Variants in DCLK1 observed in about 807,000 individuals in gnomAD.
The protein encoded by DCLK1 is serine/threonine-protein kinase DCLK1.
DCLK1 carries 16 observed loss-of-function variants against 86.2 expected under a neutral mutation model. The ratio of observed to expected loss-of-function variants is 0.19; its 90% CI spans 0.13 to 0.28. The LOEUF (loss-of-function observed/expected upper bound fraction) is 0.28, where lower values mean the gene tolerates loss of function less well. Among genes scored for constraint, DCLK1 ranks in the 10% least tolerant of loss-of-function variants. The pLI is 1.00. For missense variants in DCLK1, 590 were observed against 940.2 expected (o/e 0.63, Z 4.87); for synonymous variants, 369 against 370.5 (o/e 1.00, Z 0.05).
chr13:35,785,624 G>A (rs931373382), intron 16 of DCLK1, among the ~76,000 whole-genome samples: 1 of 152,128 alleles, frequency 6.6e-6, no homozygotes, highest in African/African-American at 2.4e-5. Flanking sequence ...GACCAATTCT[G>A]GGCACCCTGA....
intron 3 of DCLK1, among the ~76,000 whole-genome samples, chr13:35,999,170 A>G (rs1356607330): frequency 6.6e-6 from 1 of 152,012 alleles, no homozygotes; most frequent in Non-Finnish European, 1.5e-5. Flanking sequence ...CTGGAGAATC[A>G]CTTGAACCCA....
intron 16 of DCLK1, among the ~76,000 whole-genome samples, chr13:35,781,178 T>C (rs1283515304): frequency 6.6e-6 from 1 of 152,232 alleles, no homozygotes; most frequent in Admixed American, 6.5e-5. Flanking sequence ...GTTTTGCCGG[T>C]CTGAGTCACC....
intron 3 of DCLK1, among the ~76,000 whole-genome samples, chr13:35,999,007 C>T (rs533580825): frequency 1.2e-3 from 190 of 152,288 alleles, no homozygotes; most frequent in Middle Eastern, 3.4e-3. Context: ...GTAATCCCAG[C>T]ACTTTGGGAG....
chr13:36,001,873 A>G (rs1354292502), intron 3 of DCLK1, among the ~76,000 whole-genome samples: 2 of 152,178 alleles, frequency 1.3e-5, no homozygotes, highest in South Asian at 2.1e-4. Flanking sequence ...CATTGTACAG[A>G]TCAAGCTAAT....
At chr13:35,834,672 A>T (rs1869221728) in intron 8 of DCLK1, among the ~76,000 whole-genome samples, 1 of 152,194 alleles carries the variant, frequency 6.6e-6, no homozygotes, top group Non-Finnish European at 1.5e-5. Flanking sequence ...GTTTGGCACA[A>T]ATGTGCCAAA....
At chr13:36,035,624 G>A (rs1348930971) in intron 3 of DCLK1, among the ~76,000 whole-genome samples, 1 of 152,040 alleles carries the variant, frequency 6.6e-6, no homozygotes, top group Non-Finnish European at 1.5e-5. Flanking sequence ...CTGCAGCGTC[G>A]AACTCCTGGG....
intron 16 of DCLK1, among the ~76,000 whole-genome samples, chr13:35,782,365 C>T (rs1325891387): frequency 1.3e-5 from 2 of 152,128 alleles, no homozygotes; most frequent in African/African-American, 4.8e-5. Flanking sequence ...AGGAGCCCAA[C>T]CTCAGCGGAA....
chr13:35,913,056 C>G (rs1013896161), intron 4 of DCLK1, among the ~76,000 whole-genome samples: 5 of 152,288 alleles, frequency 3.3e-5, no homozygotes, highest in Middle Eastern at 3.4e-3. Flanking sequence ...GCAAGTCTGA[C>G]AAGGGGTGAG....
intron 1 of DCLK1, among the ~76,000 whole-genome samples, chr13:36,128,821 T>C (rs915037628): frequency 1.3e-5 from 2 of 152,240 alleles, no homozygotes; most frequent in East Asian, 1.9e-4. Context: ...CAATGATCCC[T>C]TGATATCCAG....
At chr13:36,103,570 T>TA (rs1346181080) in intron 3 of DCLK1, among the ~76,000 whole-genome samples, 1 of 152,142 alleles carries the variant, frequency 6.6e-6, no homozygotes, top group Admixed American at 6.5e-5. Context: ...CAAGACCAAT[T>TA]AAAAAATAAA....
chr13:36,016,279 G>A (rs183841649), intron 3 of DCLK1, among the ~76,000 whole-genome samples: 75 of 152,236 alleles, frequency 4.9e-4, no homozygotes, highest in Admixed American at 1.9e-3. Context: ...ACATTAAAAT[G>A]CAGCATATCT....
intron 4 of DCLK1, among the ~76,000 whole-genome samples, chr13:35,888,912 C>T (rs1294263694): frequency 6.6e-6 from 1 of 152,190 alleles, no homozygotes; most frequent in African/African-American, 2.4e-5. Context: ...CTATGACAAA[C>T]TTGGCCCTTT....
intron 3 of DCLK1, among the ~76,000 whole-genome samples, chr13:36,066,637 G>A (rs1045408778): frequency 3.3e-5 from 5 of 151,620 alleles, no homozygotes; most frequent in Admixed American, 2.0e-4. Flanking sequence ...AAAATGGGAG[G>A]AAATTTTCAC....
chr13:36,083,383 C>T (rs1884485791), intron 3 of DCLK1, among the ~76,000 whole-genome samples: 1 of 152,180 alleles, frequency 6.6e-6, no homozygotes, highest in African/African-American at 2.4e-5. Context: ...CTGTTAGGTC[C>T]CTCCTCAGTT....
rs1886357621 is a variant in DCLK1, at chr13:36,131,372, A to AGGG, written c.-281_-279dup. 5.2e-6 allele frequency: 1 copy of AGGG among 193,734 alleles called. No individual in the cohort carries two copies. Among genetic ancestry groups the AGGG allele is most frequent in the East Asian group, 1.7e-4 (1 of 5,946 alleles). The allele number at this position is 193,734 out of a possible 1,614,324, so 12.0% of individuals were successfully genotyped here. On this transcript the variant is annotated 5_prime_UTR_variant, in exon 1 of 17. Coordinates refer to ENST00000360631, the MANE Select transcript of DCLK1 (RefSeq NM_001330071.2). ...TCACTCCAGCCTCTCTCTCCAGAGGAGGGCGGCGGCGGCGGCGGCGGCGGG... is the reference window on the plus strand; with the variant it reads ...TCACTCCAGCCTCTCTCTCCAGAGGAGGGGGGCGGCGGCGGCGGCGGCGGCGGG...
At chr13:36,098,702 C>T (rs892340735) in intron 3 of DCLK1, among the ~76,000 whole-genome samples, 6 of 152,156 alleles carry the variant, frequency 3.9e-5, no homozygotes, top group South Asian at 4.1e-4. Flanking sequence ...GTCAAGTTCT[C>T]GTGCATTTTG....
At chr13:35,976,109 G>C (rs573897342) in intron 3 of DCLK1, among the ~76,000 whole-genome samples, 4 of 152,152 alleles carry the variant, frequency 2.6e-5, no homozygotes, top group Non-Finnish European at 4.4e-5. Context: ...TGTTTTCCTC[G>C]GGGTTCCAAG....
chr13:35,783,575 T>G (rs2086568389), intron 16 of DCLK1, among the ~76,000 whole-genome samples: 1 of 152,148 alleles, frequency 6.6e-6, no homozygotes, highest in African/African-American at 2.4e-5. Flanking sequence ...TTAAGTTAAT[T>G]GAATCTCAAT....
At chr13:35,972,736 AC>A (rs769449876) in intron 3 of DCLK1, among the ~76,000 whole-genome samples, 3 of 151,908 alleles carry the variant, frequency 2.0e-5, no homozygotes, top group Non-Finnish European at 2.9e-5. Flanking sequence ...AAAACAAAGG[AC>A]CTTTGAACCT....
Sources: allele counts gnomAD v4.1 joint callset (sites outside exome capture counted in the v4.1 genomes callset), GRCh38; gene constraint gnomAD v4.1.1; transcripts MANE v1.5; gene names NCBI Gene and HGNC (gene_info 2026-07-23, HGNC 2026-07-21).